ITIH3: variants seen among roughly 807,000 people sequenced by gnomAD.
ITIH3 encodes the protein inter-alpha-trypsin inhibitor heavy chain H3.
Under a neutral mutation model 96.5 loss-of-function variants are expected in ITIH3, and 81 were observed. The ratio of observed to expected loss-of-function variants is 0.84; its 90% CI spans 0.70 to 1.01. ITIH3 has a LOEUF of 1.01. Ranked by LOEUF, ITIH3 falls within the 50% of genes least tolerant of loss-of-function variation. The pLI is 0.00. For missense variants in ITIH3, 1,057 were observed against 1,139.3 expected (o/e 0.93, Z 1.04); for synonymous variants, 422 against 445.2 (o/e 0.95, Z 0.66).
intron 10 of ITIH3, 101 bp downstream of exon 10, chr3:52,800,764 T>C: frequency 6.6e-7 from 1 of 1,513,768 alleles, no homozygotes; most frequent in Non-Finnish European, 8.9e-7. Flanking sequence ...AGCTCTTCCC[T>C]GGGTTCCCTG....
At chr3:52,795,973 C>T (rs535847527) in intron 2 of ITIH3, 4 of 305,008 alleles carry the variant, frequency 1.3e-5, no homozygotes, top group Non-Finnish European at 2.4e-5. Flanking sequence ...GGAACACCTC[C>T]CTAGAGCCTC....
chr3:52,796,902 T>C, intron 4 of ITIH3, 59 bp downstream of exon 4: 1 of 1,279,390 alleles, frequency 7.8e-7, no homozygotes, highest in Non-Finnish European at 1.1e-6. Context: ...CCTTCAGGGC[T>C]ACAAACAACA....
intron 1 of ITIH3, among the ~76,000 whole-genome samples, chr3:52,795,352 G>A (rs1699539281): frequency 6.6e-6 from 1 of 152,198 alleles, no homozygotes; most frequent in South Asian, 2.1e-4. Context: ...TCTGGGTTCA[G>A]TTCCCCCTGC....
chr3:52,803,765 G>A (rs1699934967), intron 13 of ITIH3, 90 bp from the exon 14 acceptor site: 3 of 1,440,520 alleles, frequency 2.1e-6, no homozygotes, highest in East Asian at 2.4e-5. Flanking sequence ...GTGGAGTGGG[G>A]ATCCCCAGCT....
intron 15 of ITIH3, chr3:52,805,488 G>T: frequency 8.7e-7 from 1 of 1,155,452 alleles, no homozygotes; most frequent in Non-Finnish European, 1.1e-6. Flanking sequence ...CAACTAGGGG[G>T]TGGGAAGCCC....
Position 52,800,958 on chromosome 3 carries a change from C to T in ITIH3, c.1202-7C>T, listed in dbSNP as rs780357907. The T allele has an allele frequency of 3.7e-6, 6 of 1,614,020 alleles. No individual in the cohort carries two copies. The Admixed American group carries it at 1.0e-4, about 27-fold the overall frequency. On this transcript the variant is annotated splice_region_variant and splice_polypyrimidine_tract_variant and intron_variant, in intron 10 of 21. Transcript: ENST00000449956. ...GGCTGGACTGTGAACACCCCCTTCT[C>T]CAACAGGTGAGAGCAGACCCGAAAA...
rs2154110138 is a variant in ITIH3, at chr3:52,803,899, C to A, written c.1754C>A (p.Ala585Asp). 6.2e-7 allele frequency: 1 copy of A among 1,614,018 alleles called. No individual in the cohort carries two copies. The highest frequency in any genetic ancestry group is 8.5e-7 in the Non-Finnish European group (1 of 1,179,882). The part of the protein sequence containing the change: ...GEEKENLTAR[A>D]LDLSLKYHFV... Reference sequence around the variant, plus strand: ...GAGAAGGAGAACCTCACGGCCCGGGCCCTGGACCTGTCCCTCAAGTATCAC... The same window carrying A: ...GAGAAGGAGAACCTCACGGCCCGGGACCTGGACCTGTCCCTCAAGTATCAC... The change falls in exon 14 of 22, where the codon GCC (alanine) becomes GAC (aspartate). Residue 585 changes from alanine (A) to aspartate (D), a missense_variant. Ala to Asp is a moderately radical substitution (Grantham distance 126). Transcript: ENST00000449956.
chr3:52,806,281 ATG>A lies in ITIH3; in HGVS notation c.1943-8_1943-7del. 1.9e-6 allele frequency: 3 copies of A among 1,611,890 alleles called. No individual in the cohort carries two copies. Among genetic ancestry groups the A allele is most frequent in the Non-Finnish European group, 1.7e-6 (2 of 1,178,396 alleles). On this transcript the variant is annotated splice_polypyrimidine_tract_variant and intron_variant, in intron 17 of 21. Coordinates refer to ENST00000449956, the MANE Select transcript of ITIH3 (RefSeq NM_002217.4). ...GCCCCGGGAGTCAGCTCCTTCTCTA[ATG>A]TGTCACCAGTGGACGGGGATCCCCA...
At chr3:52,799,179 T>A in intron 7 of ITIH3, 88 bp downstream of exon 7, 1 of 1,503,640 alleles carries the variant, frequency 6.7e-7, no homozygotes, top group Admixed American at 1.9e-5. Flanking sequence ...TCACCCTGGG[T>A]CCTCAGCCCA....
chr3:52,795,955 AG>A, intron 2 of ITIH3: 1 of 333,178 alleles, frequency 3.0e-6, no homozygotes, highest in Non-Finnish European at 5.5e-6. Context: ...CCCTAGGGGG[AG>A]GGGGCTGGAA....
rs771227398 is a variant in ITIH3, at chr3:52,806,099, G to C, written c.1907-4G>C. ...CTCAGCCCTCTCTCCCTTTGTATCT[G>C]CAGCCAGCTACCAGCCTCCTCAAAA... is the stretch of plus-strand genomic sequence containing the variant. On this transcript the variant is annotated splice_region_variant and splice_polypyrimidine_tract_variant and intron_variant, in intron 16 of 21. Transcript: ENST00000449956. The C allele has an allele frequency of 1.8e-5, 29 of 1,598,056 alleles. No individual in the cohort carries two copies. Among genetic ancestry groups the C allele is most frequent in the Non-Finnish European group, 2.3e-5 (27 of 1,172,252 alleles).
Position 52,796,629 on chromosome 3 carries a change from T to A in ITIH3, c.263T>A (p.Phe88Tyr), listed in dbSNP as rs1379707887. Residue 88 changes from phenylalanine (F) to tyrosine (Y), a missense_variant, in exon 3 of 22, where the codon TTC becomes TAC. Coordinates refer to ENST00000449956, the MANE Select transcript of ITIH3 (RefSeq NM_002217.4). The stretch of plus-strand genomic sequence containing the variant: ...GATGTGGAGCTGCCCAAGACGGCCT[T>A]CATCACCAACTTCACCTTGTGGGTA... ...SFDVELPKTAFITNFTLTIDG... is the reference protein window; with the variant it reads ...SFDVELPKTAYITNFTLTIDG... 3.7e-6 allele frequency: 6 copies of A among 1,612,710 alleles called. No individual in the cohort carries two copies. The highest frequency in any genetic ancestry group is 5.1e-6 in the Non-Finnish European group (6 of 1,179,236).
chr3:52,804,183 C>A, intron 14 of ITIH3, 174 bp downstream of exon 14: 1 of 651,488 alleles, frequency 1.5e-6, no homozygotes, highest in Non-Finnish European at 2.6e-6. Context: ...AAGCAGTCAG[C>A]ATGGACAGTG....
intron 5 of ITIH3, 86 bp downstream of exon 5, chr3:52,797,353 A>C: frequency 7.2e-7 from 1 of 1,386,924 alleles, no homozygotes; most frequent in East Asian, 2.5e-5. Context: ...GGGGTCAAAA[A>C]CAAAAGTTCT....
At chr3:52,796,384 C>A in intron 2 of ITIH3, 97 bp from the exon 3 acceptor site, 1 of 1,110,498 alleles carries the variant, frequency 9.0e-7, no homozygotes, top group Non-Finnish European at 1.3e-6. Context: ...GGGCAGGGGC[C>A]TCAGAGCCTC....
At chr3:52,799,336 A>G in intron 7 of ITIH3, 36 bp from the exon 8 acceptor site, 1 of 1,481,440 alleles carries the variant, frequency 6.8e-7, no homozygotes, top group Non-Finnish European at 9.2e-7. Context: ...TGTTGCTAAA[A>G]GGACACCGGC....
chr3:52,804,052 C>G (rs1163266906), intron 14 of ITIH3, 43 bp downstream of exon 14: 2 of 1,586,450 alleles, frequency 1.3e-6, no homozygotes, highest in Admixed American at 1.8e-5. Flanking sequence ...GCCTCCTGTG[C>G]TGGGCACCCT....
chr3:52,807,546 A>T (rs921099618), intron 19 of ITIH3, among the ~76,000 whole-genome samples: 2 of 152,166 alleles, frequency 1.3e-5, no homozygotes, highest in Non-Finnish European at 2.9e-5. Flanking sequence ...TTTCCCACTT[A>T]TAGACACTCA....
rs561967574 is a variant in ITIH3, at chr3:52,804,038, G to C, written c.1864+29G>C. The C allele has an allele frequency of 2.0e-5, 32 of 1,600,902 alleles. No homozygotes were observed. The African/African-American group carries it at 4.0e-4, about 20-fold the overall frequency. ...GGGATAGGGATGGAGGCCGGAACCCGGAGGCCTCCTGTGCTGGGCACCCTA... is the reference window on the plus strand; with the variant it reads ...GGGATAGGGATGGAGGCCGGAACCCCGAGGCCTCCTGTGCTGGGCACCCTA... On this transcript the variant is annotated intron_variant, in intron 14 of 21. Transcript: ENST00000449956.
Sources: gnomAD v4.1 joint callset for allele counts (sites outside exome capture counted in the v4.1 genomes callset) on GRCh38, gnomAD v4.1.1 for gene constraint, MANE v1.5 for transcripts, NCBI Gene and HGNC (gene_info 2026-07-23, HGNC 2026-07-21) for gene names.